LMBRD1: variants seen among roughly 807,000 people sequenced by gnomAD.
LMBRD1 encodes the protein lysosomal cobalamin transport escort protein LMBD1.
Under a neutral mutation model 74.8 loss-of-function variants are expected in LMBRD1, and 64 were observed. The ratio of observed to expected loss-of-function variants is 0.86; its 90% CI spans 0.70 to 1.05. The LOEUF (loss-of-function observed/expected upper bound fraction) is 1.05, where lower values mean the gene tolerates loss of function less well. Ranked by LOEUF, LMBRD1 falls within the 50% of genes least tolerant of loss-of-function variation. The pLI is 0.00. For synonymous variants in LMBRD1, 204 were observed against 216.3 expected (o/e 0.94, Z 0.50); for missense variants, 652 against 645.9 (o/e 1.01, Z -0.10).
At chr6:69,690,605 C>T (rs761938859) in intron 14 of LMBRD1, among the ~76,000 whole-genome samples, 1 of 152,016 alleles carries the variant, frequency 6.6e-6, no homozygotes, top group East Asian at 1.9e-4. Context: ...GATAAAAAAA[C>T]CCCAAATCAA....
intron 9 of LMBRD1, chr6:69,705,639 T>C (rs1766235957): frequency 1.1e-6 from 1 of 893,814 alleles, no homozygotes; most frequent in Non-Finnish European, 1.8e-6. Flanking sequence ...AAAATCATCA[T>C]TATCACCATC....
In LMBRD1 at chr6:69,783,520, G is replaced by C. The variant is rs184951710; in HGVS notation, c.247-2966C>G. ...CTTCCAAGTAGCTGGGACCACAGGT[G>C]CATGCCACCATGCCCAGCTAATTTT... On this transcript the variant is annotated intron_variant, in intron 2 of 15. Transcript: ENST00000649934. Among the ~76,000 whole-genome samples, 312 of 152,154 alleles carry C rather than the reference G, an allele frequency of 2.1e-3. 2 individuals are homozygous for C. Among genetic ancestry groups the C allele is most frequent in the African/African-American group, 7.3e-3 (301 of 41,502 alleles).
rs528562636 is a variant in LMBRD1 at position 69,716,825 on chromosome 6, G to A, written c.762+2131C>T. On this transcript the variant is annotated intron_variant, in intron 8 of 15. Transcript: ENST00000649934. ...ACAAACATATACATACAATTCAGCA[G>A]GATAATTTCCTAGAGGTAAACTGTT... Among the ~76,000 whole-genome samples, 21 of 151,188 alleles carry A rather than the reference G, an allele frequency of 1.4e-4. No individual in the cohort carries two copies. In the East Asian group the frequency reaches 1.6e-3, roughly 11 times the overall value.
chr6:69,738,474 C>T (rs1441539142), intron 6 of LMBRD1, among the ~76,000 whole-genome samples: 1 of 152,008 alleles, frequency 6.6e-6, no homozygotes, highest in African/African-American at 2.4e-5. Flanking sequence ...CAAATTGGTT[C>T]TTAATAGATA....
At position 69,796,885 on chromosome 6, in the gene LMBRD1, C is replaced by A. The variant is rs996753051; in HGVS notation, c.-4G>T. 29 of 1,613,670 alleles carry A rather than the reference C, an allele frequency of 1.8e-5. No homozygotes were observed. Among genetic ancestry groups the A allele is most frequent in the Non-Finnish European group, 2.1e-5 (25 of 1,179,924 alleles). On this transcript the variant is annotated 5_prime_UTR_variant, in exon 1 of 16. Transcript: ENST00000649934. ...AGGCCGCGCCAGAAGTCGCCATCTT[C>A]GCTTCCGGTCCAGACCAACCTGAGC...
At chr6:69,712,564 G>A (rs1332247680) in intron 9 of LMBRD1, among the ~76,000 whole-genome samples, 1 of 151,634 alleles carries the variant, frequency 6.6e-6, no homozygotes, top group Admixed American at 6.6e-5. Context: ...AAAAATAAGA[G>A]AATCCTCTTA....
At position 69,697,562 on chromosome 6, in the gene LMBRD1, C is replaced by G; in HGVS notation, c.1417+1G>C. 1 of 1,593,614 alleles carries G rather than the reference C, an allele frequency of 6.3e-7. No homozygotes were observed. Among genetic ancestry groups the G allele is most frequent in the Non-Finnish European group, 8.6e-7 (1 of 1,162,240 alleles). Reference sequence around the variant, plus strand: ...TAAGTTCTAAAACAAGCTGTTTTTACCTTCAGGAGCATCTGCATCACATCT... The same window carrying G: ...TAAGTTCTAAAACAAGCTGTTTTTAGCTTCAGGAGCATCTGCATCACATCT... On this transcript the variant is annotated splice_donor_variant, in intron 14 of 15. Coordinates refer to ENST00000649934, the MANE Select transcript of LMBRD1 (RefSeq NM_018368.4). LOFTEE classifies it high-confidence loss of function.
intron 12 of LMBRD1, among the ~76,000 whole-genome samples, chr6:69,700,137 T>C (rs551874113): frequency 6.6e-6 from 1 of 151,970 alleles, no homozygotes; most frequent in African/African-American, 2.4e-5. Flanking sequence ...ACTGAAGCAA[T>C]ACTAGATTCT....
At chr6:69,721,829 T>C (rs545257828) in intron 7 of LMBRD1, among the ~76,000 whole-genome samples, 3 of 152,286 alleles carry the variant, frequency 2.0e-5, no homozygotes, top group East Asian at 1.9e-4. Context: ...AGGGAGCCCA[T>C]TGCCCTGCAG....
chr6:69,698,972 A>G (rs1271073719), intron 13 of LMBRD1, 71 bp downstream of exon 13: 1 of 1,053,996 alleles, frequency 9.5e-7, no homozygotes, highest in African/African-American at 1.6e-5. Flanking sequence ...AACCATCACA[A>G]TTAAAATTTC....
chr6:69,703,094 T>C (rs1351656168), intron 9 of LMBRD1, among the ~76,000 whole-genome samples: 1 of 152,010 alleles, frequency 6.6e-6, no homozygotes, highest in Non-Finnish European at 1.5e-5. Flanking sequence ...GAGAGTGATA[T>C]TGCATGTACT....
Position 69,675,754 on chromosome 6 carries a change from G to A in LMBRD1, c.*404C>T, listed in dbSNP as rs1765531510. On this transcript the variant is annotated 3_prime_UTR_variant, in exon 16 of 16. Transcript: ENST00000649934. ...AGCTATATTGTAAATATTATTTGGA[G>A]GCAATCAGAGAGAGACACTTTAAAA... The A allele has an allele frequency of 5.1e-6, 1 of 197,834 alleles. No individual in the cohort carries two copies. The highest frequency in any genetic ancestry group is 5.3e-5 in the Admixed American group (1 of 18,752). The allele number at this position is 197,834 out of a possible 1,614,324, so 12.3% of individuals were successfully genotyped here. A position where few individuals can be genotyped will look rare whatever the true frequency, so the allele number is the denominator to read the frequency against.
chr6:69,720,142 A>C (rs144289727), intron 7 of LMBRD1, among the ~76,000 whole-genome samples: 1 of 152,342 alleles, frequency 6.6e-6, no homozygotes, highest in African/African-American at 2.4e-5. Context: ...ACCACAATTC[A>C]AATAGCAAAG....
In LMBRD1 at chr6:69,676,442, G is replaced by A; in HGVS notation, c.1509+8C>T. 1 of 1,610,236 alleles carries A rather than the reference G, an allele frequency of 6.2e-7. No homozygotes were observed. The highest frequency in any genetic ancestry group is 8.5e-7 in the Non-Finnish European group (1 of 1,176,754). ...AGGTCAAATCACGCGTGGGATATCT[G>A]CACTTACCCCAAGAAAGGCCCAGTT... On this transcript the variant is annotated splice_region_variant and intron_variant, in intron 15 of 15. Coordinates refer to ENST00000649934, the MANE Select transcript of LMBRD1 (RefSeq NM_018368.4).
intron 7 of LMBRD1, among the ~76,000 whole-genome samples, chr6:69,734,269 T>G (rs1031001864): frequency 4.6e-5 from 7 of 152,146 alleles, no homozygotes; most frequent in Non-Finnish European, 5.9e-5. Context: ...TCAATCCCAT[T>G]ATAAGGTCCT....
chr6:69,786,199 A>G (rs1765941372), intron 2 of LMBRD1, among the ~76,000 whole-genome samples: 1 of 152,200 alleles, frequency 6.6e-6, no homozygotes, highest in Non-Finnish European at 1.5e-5. Context: ...CACATACTAT[A>G]TATTTAGTAA....
At chr6:69,691,404 T>G (rs1395043204) in intron 14 of LMBRD1, among the ~76,000 whole-genome samples, 1 of 152,186 alleles carries the variant, frequency 6.6e-6, no homozygotes, top group East Asian at 1.9e-4. Flanking sequence ...TAGTTCATAT[T>G]TTTAAAACTG....
intron 8 of LMBRD1, among the ~76,000 whole-genome samples, chr6:69,718,593 G>T (rs553280384): frequency 6.6e-6 from 1 of 152,260 alleles, no homozygotes; most frequent in South Asian, 2.1e-4. Flanking sequence ...ATAGCAGAAG[G>T]GTAAGCAAAC....
intron 3 of LMBRD1, among the ~76,000 whole-genome samples, chr6:69,775,167 G>A (rs1272811281): frequency 3.3e-5 from 5 of 152,052 alleles, no homozygotes. Context: ...AGGTGTGCAG[G>A]GAATAGGATG....
Sources: allele counts gnomAD v4.1 joint callset (sites outside exome capture counted in the v4.1 genomes callset), GRCh38; gene constraint gnomAD v4.1.1; transcripts MANE v1.5; gene names NCBI Gene and HGNC (gene_info 2026-07-23, HGNC 2026-07-21).